Variants in SNX33 observed in about 807,000 individuals in gnomAD.
SNX33 encodes the protein sorting nexin-33.
Under a neutral mutation model 38.8 loss-of-function variants are expected in SNX33, and 19 were observed. The ratio of observed to expected loss-of-function variants is 0.49; its 90% CI spans 0.34 to 0.72. SNX33 has a LOEUF of 0.72. SNX33 is among the 30% of genes least tolerant of loss of function. SNX33 has a pLI of 0.01. For missense variants in SNX33, 641 were observed against 776.4 expected (o/e 0.83, Z 2.07); for synonymous variants, 246 against 289.7 (o/e 0.85, Z 1.53).
In SNX33 at chr15:75,660,083, G is replaced by A. The variant is rs1272690826; in HGVS notation, c.*2868G>A. The A allele has an allele frequency of 3.3e-5, 5 of 152,140 alleles. No homozygotes were observed. The highest frequency in any genetic ancestry group is 6.5e-5 in the Admixed American group (1 of 15,278). 9.4% of individuals were successfully genotyped at this position (152,140 alleles called of 1,614,324 possible). Reference sequence around the variant, plus strand: ...CGTCACATGCCAGGCAGATGTTCCCGACTCGGCTGGACCCAGCTGCCTCGT... The same window carrying A: ...CGTCACATGCCAGGCAGATGTTCCCAACTCGGCTGGACCCAGCTGCCTCGT... On this transcript the variant is annotated 3_prime_UTR_variant, in exon 2 of 2. Transcript: ENST00000308527.
At position 75,662,223 on chromosome 15, in the gene SNX33, C is replaced by T. The variant is rs1431519707; in HGVS notation, c.*5008C>T. The T allele has an allele frequency of 2.6e-5, 4 of 152,250 alleles. No homozygotes were observed. The East Asian group carries it at 7.7e-4, about 29-fold the overall frequency. 9.4% of individuals were successfully genotyped at this position (152,250 alleles called of 1,614,324 possible). A position where few individuals can be genotyped will look rare whatever the true frequency, so the allele number is the denominator to read the frequency against. Reference sequence around the variant, plus strand: ...CTCTATCATACATATTAATATTTACCTGCATTCCACATTAAAGGGTTCAGT... The same window carrying T: ...CTCTATCATACATATTAATATTTACTTGCATTCCACATTAAAGGGTTCAGT... On this transcript the variant is annotated 3_prime_UTR_variant, in exon 2 of 2. Transcript: ENST00000308527.
Position 75,648,693 on chromosome 15 carries a change from G to T in SNX33, c.-410G>T. The T allele has an allele frequency of 3.9e-6, 1 of 255,138 alleles. No individual in the cohort carries two copies. The highest frequency in any genetic ancestry group is 6.2e-6 in the Non-Finnish European group (1 of 161,320). 15.8% of individuals were successfully genotyped at this position (255,138 alleles called of 1,614,324 possible). ...TTCTGGAATGGTGGTTTCAGAGTGA[G>T]TCTCTTCTATTTTAGAACGTTGTTC... is the stretch of plus-strand genomic sequence containing the variant. On this transcript the variant is annotated 5_prime_UTR_variant, in exon 1 of 2. Coordinates refer to ENST00000308527, the MANE Select transcript of SNX33 (RefSeq NM_153271.2). This position sits in a 1 kb window ranked among gnomAD's most constrained non-coding sequence, Gnocchi z 4.4.
chr15:75,651,971 C>G (rs1488920775), intron 1 of SNX33, among the ~76,000 whole-genome samples: 1 of 152,180 alleles, frequency 6.6e-6, no homozygotes, highest in Non-Finnish European at 1.5e-5. Context: ...CTCCTTTCTC[C>G]CCTTGCTATA....
Position 75,650,599 on chromosome 15 carries a change from T to C in SNX33, c.1471+26T>C. On this transcript the variant is annotated intron_variant, in intron 1 of 1. Coordinates refer to ENST00000308527, the MANE Select transcript of SNX33 (RefSeq NM_153271.2). The surrounding 1 kb of genome is among the most constrained non-coding windows in gnomAD (Gnocchi z 6.1). ...GTAAGGCCCAGTGCAGGCAGGAAACTCGTCCTGAGTCTGGCTCTCTGCTGG... is the reference window on the plus strand; with the variant it reads ...GTAAGGCCCAGTGCAGGCAGGAAACCCGTCCTGAGTCTGGCTCTCTGCTGG... 2 of 1,554,580 alleles carry C rather than the reference T, an allele frequency of 1.3e-6. No individual in the cohort carries two copies. Among genetic ancestry groups the C allele is most frequent in the Non-Finnish European group, 1.7e-6 (2 of 1,149,494 alleles).
chr15:75,654,357 G>A (rs1373628540), intron 1 of SNX33, among the ~76,000 whole-genome samples: 6 of 152,192 alleles, frequency 3.9e-5, no homozygotes, highest in Admixed American at 1.3e-4. Context: ...GGGGAGACCT[G>A]GAGCCCAGGC....
chr15:75,656,330 G>A (rs4073214), intron 1 of SNX33, among the ~76,000 whole-genome samples: 76,368 of 151,796 alleles, frequency 0.5, 19,286 homozygotes, highest in Non-Finnish European at 0.54. Flanking sequence ...GAGGTAGGAA[G>A]GTAGGAAAGA....
Position 75,661,982 on chromosome 15 carries a change from G to A in SNX33, c.*4767G>A, listed in dbSNP as rs1337702015. 6.6e-6 allele frequency: 1 copy of A among 152,190 alleles called. No individual in the cohort carries two copies. The highest frequency in any genetic ancestry group is 1.5e-5 in the Non-Finnish European group (1 of 68,046). 9.4% of individuals were successfully genotyped at this position (152,190 alleles called of 1,614,324 possible). A position where few individuals can be genotyped will look rare whatever the true frequency, so the allele number is the denominator to read the frequency against. Reference sequence around the variant, plus strand: ...CGGTGACAGCTGCAGTGACTCAGGAGCTCCGTTTACAAAGGAACATGAGTG... The same window carrying A: ...CGGTGACAGCTGCAGTGACTCAGGAACTCCGTTTACAAAGGAACATGAGTG... On this transcript the variant is annotated 3_prime_UTR_variant, in exon 2 of 2. Coordinates refer to ENST00000308527, the MANE Select transcript of SNX33 (RefSeq NM_153271.2). The surrounding 1 kb of genome is among the most constrained non-coding windows in gnomAD (Gnocchi z 4.5).
In SNX33 at chr15:75,658,031, A is replaced by G. The variant is rs558481946; in HGVS notation, c.*816A>G. The stretch of plus-strand genomic sequence containing the variant: ...CCCCTGCAGGAGGGGGCTACAGGCC[A>G]TCTCCCTCCTGTAGGCCTCTGACTC... On this transcript the variant is annotated 3_prime_UTR_variant, in exon 2 of 2. Transcript: ENST00000308527. This position sits in a 1 kb window ranked among gnomAD's most constrained non-coding sequence, Gnocchi z 4.1. 1.3e-5 allele frequency: 2 copies of G among 152,356 alleles called. No individual in the cohort carries two copies. The highest frequency in any genetic ancestry group is 3.9e-4 in the East Asian group (2 of 5,146). 9.4% of individuals were successfully genotyped at this position (152,356 alleles called of 1,614,324 possible). A position where few individuals can be genotyped will look rare whatever the true frequency, so the allele number is the denominator to read the frequency against.
chr15:75,651,386 G>C (rs144529972), intron 1 of SNX33, among the ~76,000 whole-genome samples: 1 of 152,172 alleles, frequency 6.6e-6, no homozygotes, highest in Non-Finnish European at 1.5e-5. Flanking sequence ...CCAAGGACAC[G>C]TCCATGTTGG....
chr15:75,650,380 T>G lies in SNX33; in HGVS notation c.1278T>G (p.His426Gln). The change falls in exon 1 of 2, where the codon CAT becomes CAG. Residue 426 changes from histidine to glutamine, a missense_variant. Around this residue, in one of 2 missense-constraint regions of SNX33, gnomAD observed 398 missense variants for 542.5 expected, o/e 0.73. Coordinates refer to ENST00000308527, the MANE Select transcript of SNX33 (RefSeq NM_153271.2). The surrounding 1 kb of genome is among the most constrained non-coding windows in gnomAD (Gnocchi z 6.1). ...GCAGTGCCTTCCAGGCCATCAGTCA[T>G]TCCTTCCAGATGGACCCCCCCTTTT... Reference protein sequence around the residue: ...KLGSAFQAISHSFQMDPPFCS... With the variant: ...KLGSAFQAISQSFQMDPPFCS... The G allele has an allele frequency of 6.2e-7, 1 of 1,612,624 alleles. No homozygotes were observed. The highest frequency in any genetic ancestry group is 8.5e-7 in the Non-Finnish European group (1 of 1,179,288).
At chr15:75,652,078 T>A (rs562514968) in intron 1 of SNX33, among the ~76,000 whole-genome samples, 2 of 150,968 alleles carry the variant, frequency 1.3e-5, no homozygotes, top group African/African-American at 4.9e-5. Context: ...CAAACCTGAG[T>A]GCTAGTCTTG....
Position 75,656,865 on chromosome 15 carries a change from G to A in SNX33, c.1472-97G>A, listed in dbSNP as rs78778633. 762 of 1,505,256 alleles carry A rather than the reference G, an allele frequency of 5.1e-4. No individual in the cohort carries two copies. In the Middle Eastern group the frequency reaches 7.9e-3, roughly 16 times the overall value. 93.2% of individuals were successfully genotyped at this position (1,505,256 alleles called of 1,614,324 possible). On this transcript the variant is annotated intron_variant, in intron 1 of 1. Transcript: ENST00000308527. ...GGTCTGGGGCTCAGGAATGACGTCC[G>A]AGTTGAGCTGATGAGGGTGCTGTCT...
rs1893520284 is a variant in SNX33, at chr15:75,648,139, T to TC, written c.-964_-963insC. The TC allele has an allele frequency of 5.0e-5, 49 of 985,456 alleles. No homozygotes were observed. Among genetic ancestry groups the TC allele is most frequent in the Non-Finnish European group, 5.9e-5 (49 of 829,988 alleles). The allele number at this position is 985,456 out of a possible 1,614,324, so 61.0% of individuals were successfully genotyped here. ...ACGCGAGGGTGGTGATCGGGGGTCG[T>TC]AAGTCCCGGGTGAGGAACCGGTTTC... On this transcript the variant is annotated 5_prime_UTR_variant, in exon 1 of 2. Transcript: ENST00000308527. The surrounding 1 kb of genome is among the most constrained non-coding windows in gnomAD (Gnocchi z 4.4).
intron 1 of SNX33, among the ~76,000 whole-genome samples, chr15:75,656,649 C>T (rs1893655108): frequency 6.6e-6 from 1 of 152,120 alleles, no homozygotes; most frequent in African/African-American, 2.4e-5. Context: ...GTACCAGAGA[C>T]ACAGAGAGGT....
At position 75,649,290 on chromosome 15, in the gene SNX33, T is replaced by C. The variant is rs1893538909; in HGVS notation, c.188T>C (p.Ile63Thr). The change falls in exon 1 of 2, where the codon ATC (isoleucine) becomes ACC (threonine). Residue 63 changes from isoleucine to threonine, a missense_variant. By Grantham distance (89) the Ile-to-Thr change is moderately conservative. This residue lies in a region of SNX33 where 243 missense variants were observed against 233.9 expected (regional missense o/e 1.04). Coordinates refer to ENST00000308527, the MANE Select transcript of SNX33 (RefSeq NM_153271.2). This position sits in a 1 kb window ranked among gnomAD's most constrained non-coding sequence, Gnocchi z 6.6. ...ASYVEIVRSGISTNHADYSSS... is the reference protein window; with the variant it reads ...ASYVEIVRSGTSTNHADYSSS... The stretch of plus-strand genomic sequence containing the variant: ...TATGTGGAGATCGTCCGTTCTGGCA[T>C]CAGCACCAACCATGCTGACTACTCC... 1.9e-6 allele frequency: 3 copies of C among 1,611,338 alleles called. No homozygotes were observed. The highest frequency in any genetic ancestry group is 1.3e-5 in the African/African-American group (1 of 74,888).
rs1225969860 is a variant in SNX33 at position 75,650,401 on chromosome 15, C to A, written c.1299C>A (p.Pro433=). 6 of 1,613,834 alleles carry A rather than the reference C, an allele frequency of 3.7e-6. No homozygotes were observed. In the South Asian group the frequency reaches 4.4e-5, roughly 12 times the overall value. ...AISHSFQMDP[P]FCSEALNSAI... ...GTCATTCCTTCCAGATGGACCCCCC[C>A]TTTTGCTCTGAGGCCCTCAACAGTG... The change falls in exon 1 of 2, where the codon CCC becomes CCA. Residue 433 remains proline, a synonymous_variant. Transcript: ENST00000308527. The surrounding 1 kb of genome is among the most constrained non-coding windows in gnomAD (Gnocchi z 6.1).
At position 75,649,560 on chromosome 15, in the gene SNX33, G is replaced by A. The variant is rs758382809; in HGVS notation, c.458G>A (p.Ser153Asn). The change falls in exon 1 of 2, where the codon AGC (serine) becomes AAC (asparagine). Residue 153 changes from serine to asparagine, a missense_variant. Physicochemically the swap from Ser to Asn is conservative, Grantham distance 46. Transcript: ENST00000308527. The surrounding 1 kb of genome is among the most constrained non-coding windows in gnomAD (Gnocchi z 6.6). ...CTCTCCTACCCTGGTGCCTACCCCA[G>A]CCAGCACATGGCCTTCCGGCCCAAG... ...LNLSYPGAYPSQHMAFRPKPP... is the reference protein window; with the variant it reads ...LNLSYPGAYPNQHMAFRPKPP... 6.2e-7 allele frequency: 1 copy of A among 1,613,444 alleles called. No individual in the cohort carries two copies. Among genetic ancestry groups the A allele is most frequent in the Admixed American group, 1.7e-5 (1 of 59,948 alleles).
At chr15:75,655,174 C>T (rs1053895144) in intron 1 of SNX33, among the ~76,000 whole-genome samples, 4 of 152,220 alleles carry the variant, frequency 2.6e-5, no homozygotes, top group Admixed American at 6.5e-5. Context: ...AAGTGGTGTC[C>T]GACCCCCAGC....
intron 1 of SNX33, among the ~76,000 whole-genome samples, chr15:75,652,112 G>C (rs970284575): frequency 1.3e-5 from 2 of 151,374 alleles, no homozygotes; most frequent in African/African-American, 4.9e-5. Context: ...ATTGCTGTGC[G>C]TCCCCGGGGA....
Sources: gnomAD v4.1 joint callset for allele counts (sites outside exome capture counted in the v4.1 genomes callset) on GRCh38, gnomAD v4.1.1 for gene constraint, gnomAD v4.1.1 regional missense constraint, Gnocchi (gnomAD v3.1) non-coding constraint, MANE v1.5 for transcripts, NCBI Gene and HGNC (gene_info 2026-07-23, HGNC 2026-07-21) for gene names.